PPP6R2: variants seen among roughly 807,000 people sequenced by gnomAD.
PPP6R2 encodes serine/threonine-protein phosphatase 6 regulatory subunit 2.
A neutral mutation model predicts 100.2 loss-of-function variants in PPP6R2; 62 were observed. The observed-to-expected ratio is 0.62, with a 90% CI of 0.50 to 0.76. The LOEUF (loss-of-function observed/expected upper bound fraction) is 0.76. Among genes scored for constraint, PPP6R2 ranks in the 30% least tolerant of loss-of-function variants. PPP6R2 has a pLI of 0.00. For missense variants in PPP6R2, 1,142 were observed against 1,276.3 expected, an observed-to-expected ratio of 0.89 and a Z score of 1.60; for synonymous variants, 525 against 514.7, an observed-to-expected ratio of 1.02 and a Z score of -0.27.
intron 1 of PPP6R2, among the ~76,000 whole-genome samples, chr22:50,357,870 C>T (rs2046945637): frequency 6.6e-6 from 1 of 152,086 alleles, no homozygotes; most frequent in Non-Finnish European, 1.5e-5. Context: ...GTGATTCGTC[C>T]TCCTTGGCCT....
intron 4 of PPP6R2, 108 bp downstream of exon 4, chr22:50,406,983 C>T: frequency 9.1e-7 from 1 of 1,104,376 alleles, no homozygotes. Flanking sequence ...GCGGGAACAG[C>T]ATCTGTGACT....
Position 50,365,505 on chromosome 22 carries a change from C to T in PPP6R2, c.-147-6515C>T, listed in dbSNP as rs556717900. Among the ~76,000 whole-genome samples, 14 of 151,838 alleles carry T rather than the reference C, an allele frequency of 9.2e-5. No individual in the cohort carries two copies. In the East Asian group the frequency reaches 1.2e-3, roughly 13 times the overall value. ...CATCCTGGCTAACACGGTGAAACCTCGTCTCTACTAAAAAATACAAAAAAT... is the reference window on the plus strand; with the variant it reads ...CATCCTGGCTAACACGGTGAAACCTTGTCTCTACTAAAAAATACAAAAAAT... On this transcript the variant is annotated intron_variant, in intron 1 of 23. Transcript: ENST00000612753.
intron 1 of PPP6R2, among the ~76,000 whole-genome samples, chr22:50,358,401 G>C (rs1400438473): frequency 6.6e-6 from 1 of 152,180 alleles, no homozygotes; most frequent in Non-Finnish European, 1.5e-5. Context: ...GCCTGCACCA[G>C]GTTGTGTAGA....
rs376658982 is a variant in PPP6R2, at chr22:50,423,637, C to T, written c.1125+23C>T. On this transcript the variant is annotated intron_variant, in intron 10 of 23. Coordinates refer to ENST00000612753, the MANE Select transcript of PPP6R2 (RefSeq NM_001242898.2). This position sits in a 1 kb window ranked among gnomAD's most constrained non-coding sequence, Gnocchi z 4.8. ...CTGGTAAGTGGGCCCCTCAGCCAGC[C>T]CTGCATGTCTGTGAGTGTGCCGGGC... 7.4e-6 allele frequency: 12 copies of T among 1,613,530 alleles called. 1 individual carries two copies. The South Asian group carries it at 9.9e-5, about 13-fold the overall frequency.
chr22:50,418,710 AG>A (rs369629091), intron 6 of PPP6R2, among the ~76,000 whole-genome samples, 156 bp from the exon 7 acceptor site: 3,487 of 151,118 alleles, frequency 0.023, 115 homozygotes, highest in African/African-American at 0.074. Flanking sequence ...TTAAAAAAAA[AG>A]AAAAAGTATT....
At chr22:50,413,695 T>C (rs2060085815) in intron 4 of PPP6R2, among the ~76,000 whole-genome samples, 2 of 150,968 alleles carry the variant, frequency 1.3e-5, no homozygotes, top group Non-Finnish European at 2.9e-5. Flanking sequence ...TTCTTCCCCT[T>C]CTCTTTTCCC....
At chr22:50,440,168 C>T (rs1302100996) in intron 21 of PPP6R2, 119 bp downstream of exon 21, 15 of 900,452 alleles carry the variant, frequency 1.7e-5, no homozygotes, top group Non-Finnish European at 2.3e-5. Context: ...GCTGCTACGT[C>T]TCTGGTGACA....
At chr22:50,355,797 A>C (rs1345180951) in intron 1 of PPP6R2, among the ~76,000 whole-genome samples, 1 of 151,302 alleles carries the variant, frequency 6.6e-6, no homozygotes, top group South Asian at 2.1e-4. Context: ...CTGGGATTAC[A>C]GGGGTGAGCC....
At chr22:50,427,513 T>C (rs985138231) in intron 10 of PPP6R2, among the ~76,000 whole-genome samples, 2 of 152,218 alleles carry the variant, frequency 1.3e-5, no homozygotes, top group Non-Finnish European at 2.9e-5. Flanking sequence ...CAATATTAAG[T>C]CTTCAATCCA....
intron 21 of PPP6R2, among the ~76,000 whole-genome samples, 163 bp downstream of exon 21, chr22:50,440,212 C>G (rs2065266699): frequency 6.6e-6 from 1 of 152,244 alleles, no homozygotes; most frequent in Non-Finnish European, 1.5e-5. Flanking sequence ...ACTGGAGCAG[C>G]CACGTGTAGA....
rs569487951 is a variant in PPP6R2, at chr22:50,382,492, C to A, written c.-17+10342C>A. Among the ~76,000 whole-genome samples the A allele has an allele frequency of 8.6e-3, 1,258 of 146,438 alleles. 12 individuals are homozygous for A. Among genetic ancestry groups the A allele is most frequent in the African/African-American group, 0.03 (1,197 of 39,714 alleles). The stretch of plus-strand genomic sequence containing the variant: ...TCACGCCTGTAATCCCAGGCCTGGG[C>A]TAGGCAAAAGGGTGAAAATCCGTCT... On this transcript the variant is annotated intron_variant, in intron 2 of 23. Coordinates refer to ENST00000612753, the MANE Select transcript of PPP6R2 (RefSeq NM_001242898.2).
the PPP6R2 span, among the ~76,000 whole-genome samples, chr22:50,337,299 G>A: frequency 6.9e-6 from 1 of 144,162 alleles, no homozygotes; most frequent in African/African-American, 2.6e-5. Context: ...GGTATGTGGG[G>A]GTGTGTGTGT....
chr22:50,355,559 C>T (rs112723447), intron 1 of PPP6R2, among the ~76,000 whole-genome samples: 3 of 121,682 alleles, frequency 2.5e-5, no homozygotes, highest in Non-Finnish European at 3.4e-5. Context: ...CTCGCTCTGT[C>T]GCCCAGGCTG....
At position 50,423,737 on chromosome 22, in the gene PPP6R2, C is replaced by CAGTCCCA. The variant is rs1770253756; in HGVS notation, c.1125+133_1125+139dup. 2.4e-6 allele frequency: 3 copies of CAGTCCCA among 1,261,620 alleles called. No individual in the cohort carries two copies. The highest frequency in any genetic ancestry group is 3.3e-6 in the Non-Finnish European group (3 of 908,428). The allele number at this position is 1,261,620 out of a possible 1,614,324, so 78.2% of individuals were successfully genotyped here. A position where few individuals can be genotyped will look rare whatever the true frequency, so the allele number is the denominator to read the frequency against. Reference sequence around the variant, plus strand: ...ACAAAGCTCTGCCACGGGGAGGTTCCAGTCCCAAGTCCCAAGGCTGGACTA... The same window carrying CAGTCCCA: ...ACAAAGCTCTGCCACGGGGAGGTTCCAGTCCCAAGTCCCAAGTCCCAAGGCTGGACTA... On this transcript the variant is annotated intron_variant, in intron 10 of 23. Transcript: ENST00000612753. The surrounding 1 kb of genome is among the most constrained non-coding windows in gnomAD (Gnocchi z 4.8).
chr22:50,339,303 G>T (rs1414302390), upstream of PPP6R2, among the ~76,000 whole-genome samples: 1 of 123,558 alleles, frequency 8.1e-6, no homozygotes, highest in Non-Finnish European at 1.6e-5. Context: ...GTGGTATGTG[G>T]TGTGTGTTGT....
intron 1 of PPP6R2, among the ~76,000 whole-genome samples, chr22:50,370,879 G>A (rs970867283): frequency 1.2e-4 from 18 of 152,076 alleles, no homozygotes; most frequent in South Asian, 2.1e-4. Context: ...TGATCCACCC[G>A]CCTCGGCCTC....
chr22:50,395,740 T>A (rs2056655495), intron 3 of PPP6R2, among the ~76,000 whole-genome samples: 1 of 151,632 alleles, frequency 6.6e-6, no homozygotes, highest in Non-Finnish European at 1.5e-5. Context: ...TATTTTTGTA[T>A]TTTTTTTGTA....
chr22:50,424,633 C>CTTCT (rs1291627552), intron 10 of PPP6R2, among the ~76,000 whole-genome samples: 1 of 74,254 alleles, frequency 1.3e-5, no homozygotes, highest in Non-Finnish European at 2.5e-5. Flanking sequence ...CCCTCTTCTT[C>CTTCT]TTTTTTTTTT....
chr22:50,351,916 C>T (rs1485432171), intron 1 of PPP6R2, among the ~76,000 whole-genome samples: 1 of 152,180 alleles, frequency 6.6e-6, no homozygotes, highest in Non-Finnish European at 1.5e-5. Context: ...GCCTCAGCCT[C>T]CCCAGCAGCT....
Sources: allele counts gnomAD v4.1 joint callset (sites outside exome capture counted in the v4.1 genomes callset), GRCh38; gene constraint gnomAD v4.1.1; non-coding constraint Gnocchi (gnomAD v3.1); transcripts MANE v1.5; gene names NCBI Gene and HGNC (gene_info 2026-07-23, HGNC 2026-07-21).